ASH1L: variants seen among roughly 807,000 people sequenced by gnomAD.
The protein encoded by ASH1L is histone-lysine N-methyltransferase ASH1L.
ASH1L carries 23 observed loss-of-function variants against 269.0 expected under a neutral mutation model. The ratio of observed to expected loss-of-function variants is 0.09; its 90% confidence interval spans 0.06 to 0.12. The LOEUF (loss-of-function observed/expected upper bound fraction) is 0.12, where lower values mean the gene tolerates loss of function less well. Ranked by LOEUF, ASH1L falls within the 10% of genes least tolerant of loss-of-function variation. The pLI is 1.00. For missense variants in ASH1L, 2,912 were observed against 3,567.8 expected (o/e 0.82, Z 4.68); for synonymous variants, 1,187 against 1,253.5 (o/e 0.95, Z 1.12).
intron 4 of ASH1L, among the ~76,000 whole-genome samples, chr1:155,442,047 A>G (rs775420182): frequency 7.2e-5 from 11 of 152,106 alleles, no homozygotes; most frequent in Non-Finnish European, 1.6e-4. Flanking sequence ...GATTATAGGT[A>G]TGAGCCGCCT....
intron 6 of ASH1L, among the ~76,000 whole-genome samples, chr1:155,406,664 A>G (rs1386707781): frequency 2.6e-5 from 4 of 152,166 alleles, no homozygotes; most frequent in Non-Finnish European, 5.9e-5. Context: ...TTGTGCCACT[A>G]TACTCCAGGC....
In ASH1L at chr1:155,478,249, G is replaced by A; in HGVS notation, c.4621C>T (p.Pro1541Ser). ...KEKHRCHMSCPHLSPSKSLIN... is the reference protein window; with the variant it reads ...KEKHRCHMSCSHLSPSKSLIN... Reference sequence around the variant, plus strand: ...AAGCTTTTTGAAGGAGAGAGATGAGGGCAGGACATGTGACAACGGTGCTTT... The same window carrying A: ...AAGCTTTTTGAAGGAGAGAGATGAGAGCAGGACATGTGACAACGGTGCTTT... The change falls in exon 3 of 28, where the codon CCT becomes TCT. Residue 1541 changes from proline to serine, a missense_variant. This residue lies in a region of ASH1L where 789 missense variants were observed against 897.6 expected (regional missense o/e 0.88). Transcript: ENST00000392403. The surrounding 1 kb of genome is among the most constrained non-coding windows in gnomAD (Gnocchi z 4.6). 1.9e-6 allele frequency: 3 copies of A among 1,614,024 alleles called. No homozygotes were observed. Among genetic ancestry groups the A allele is most frequent in the Non-Finnish European group, 2.5e-6 (3 of 1,179,978 alleles).
intron 6 of ASH1L, among the ~76,000 whole-genome samples, chr1:155,411,811 C>T (rs888347210): frequency 2.0e-5 from 3 of 150,854 alleles, no homozygotes; most frequent in African/African-American, 7.3e-5. Flanking sequence ...GAGGGTCCTG[C>T]CCCATACCCT....
chr1:155,554,263 T>A (rs1297491906), intron 1 of ASH1L, among the ~76,000 whole-genome samples: 5 of 151,746 alleles, frequency 3.3e-5, no homozygotes, highest in African/African-American at 7.3e-5. Flanking sequence ...TTTTTTTTTT[T>A]AATTTATGTA....
At chr1:155,357,200 C>T (rs1654495218) in intron 15 of ASH1L, 116 bp downstream of exon 15, 1 of 663,994 alleles carries the variant, frequency 1.5e-6, no homozygotes, top group Admixed American at 3.0e-5. Context: ...TCCCCTGAAC[C>T]CTTTGGCTTA....
intron 1 of ASH1L, among the ~76,000 whole-genome samples, chr1:155,522,813 A>G (rs1476285363): frequency 1.3e-5 from 2 of 151,640 alleles, no homozygotes; most frequent in Non-Finnish European, 2.9e-5. Context: ...CAGCTTCCCG[A>G]GTAGCTGGCA....
Position 155,537,065 on chromosome 1 carries a change from A to G in ASH1L, c.-99-15447T>C, listed in dbSNP as rs538980995. Among the ~76,000 whole-genome samples, 14 of 152,014 alleles carry G rather than the reference A, an allele frequency of 9.2e-5. No individual in the cohort carries two copies. The South Asian group carries it at 2.9e-3, about 32-fold the overall frequency. On this transcript the variant is annotated intron_variant, in intron 1 of 27. Transcript: ENST00000392403. Reference sequence around the variant, plus strand: ...TCTCAAAAAAAAAAAAAGGGAAAAAAGAAAGAAATTCAACACAGAAAGGCA... The same window carrying G: ...TCTCAAAAAAAAAAAAAGGGAAAAAGGAAAGAAATTCAACACAGAAAGGCA...
At chr1:155,401,150 G>A (rs1300232618) in intron 6 of ASH1L, among the ~76,000 whole-genome samples, 1 of 151,176 alleles carries the variant, frequency 6.6e-6, no homozygotes, top group South Asian at 2.1e-4. Context: ...GACAGAGTGA[G>A]ACTCTCTGTC....
chr1:155,427,358 A>G (rs1661235728), intron 5 of ASH1L, among the ~76,000 whole-genome samples: 2 of 151,264 alleles, frequency 1.3e-5, no homozygotes, highest in East Asian at 3.9e-4. Flanking sequence ...CCCAGGCTGG[A>G]GTGCAGTGGC....
At chr1:155,348,327 G>A (rs1653550134) in intron 19 of ASH1L, among the ~76,000 whole-genome samples, 1 of 152,046 alleles carries the variant, frequency 6.6e-6, no homozygotes, top group South Asian at 2.1e-4. Context: ...TACAATTTAA[G>A]ATTGCTCTAA....
chr1:155,359,345 G>A (rs539237177), intron 13 of ASH1L, among the ~76,000 whole-genome samples: 2 of 151,986 alleles, frequency 1.3e-5, no homozygotes, highest in Non-Finnish European at 2.9e-5. Context: ...GTGCATTGGC[G>A]CGATCTCTGC....
intron 4 of ASH1L, among the ~76,000 whole-genome samples, chr1:155,457,991 C>T (rs1031530904): frequency 6.6e-6 from 1 of 152,070 alleles, no homozygotes; most frequent in Admixed American, 6.6e-5. Flanking sequence ...TCTTTTCTCC[C>T]CAAGCCTTTA....
intron 7 of ASH1L, among the ~76,000 whole-genome samples, chr1:155,383,743 TAGAC>T (rs1161877744): frequency 6.6e-6 from 1 of 152,058 alleles, no homozygotes; most frequent in Non-Finnish European, 1.5e-5. Flanking sequence ...TTCAAAGAAA[TAGAC>T]AGTGATTACC....
intron 2 of ASH1L, among the ~76,000 whole-genome samples, chr1:155,499,263 A>G (rs780128215): frequency 1.3e-5 from 2 of 152,232 alleles, no homozygotes; most frequent in Non-Finnish European, 2.9e-5. Context: ...TTGCTATATA[A>G]TTTAAGGAAT....
chr1:155,350,528 T>C (rs1253647431), intron 17 of ASH1L, among the ~76,000 whole-genome samples: 1 of 152,160 alleles, frequency 6.6e-6, no homozygotes, highest in Non-Finnish European at 1.5e-5. Context: ...GTAATCTGCT[T>C]AGGGCAAATT....
chr1:155,447,096 T>C (rs1450519795), intron 4 of ASH1L, among the ~76,000 whole-genome samples: 2 of 152,226 alleles, frequency 1.3e-5, no homozygotes, highest in Non-Finnish European at 2.9e-5. Context: ...TAATGCTGAA[T>C]AGAAGTAGTG....
chr1:155,466,142 CAGG>C (rs1399788802), intron 3 of ASH1L, among the ~76,000 whole-genome samples: 16 of 152,114 alleles, frequency 1.1e-4, no homozygotes, highest in Admixed American at 3.3e-4. Flanking sequence ...ATCACGAGGT[CAGG>C]AGATTGAGAC....
intron 5 of ASH1L, among the ~76,000 whole-genome samples, chr1:155,421,482 C>T (rs1571167510): frequency 6.6e-6 from 1 of 151,518 alleles, no homozygotes; most frequent in East Asian, 1.9e-4. Flanking sequence ...ACCATCCTGG[C>T]TAACACGGTG....
Position 155,478,040 on chromosome 1 carries a change from T to A in ASH1L, c.4830A>T (p.Ala1610=). 6.2e-7 allele frequency: 1 copy of A among 1,614,242 alleles called. No homozygotes were observed. Among genetic ancestry groups the A allele is most frequent in the South Asian group, 1.1e-5 (1 of 91,088 alleles). ...GGTTTGAAACTCTGCAGCTGCCTAT[T>A]GCACTTGTGAAAAGGTTTGTATGTT... ...SDEHTNLFTS[A]IGSCRVSNPN... Residue 1610 remains alanine, a synonymous_variant, in exon 3 of 28, where the codon GCA becomes GCT. Transcript: ENST00000392403. The surrounding 1 kb of genome is among the most constrained non-coding windows in gnomAD (Gnocchi z 4.6).
Sources: allele counts gnomAD v4.1 joint callset (sites outside exome capture counted in the v4.1 genomes callset), GRCh38; gene constraint gnomAD v4.1.1; regional missense constraint gnomAD v4.1.1; non-coding constraint Gnocchi (gnomAD v3.1); transcripts MANE v1.5; gene names NCBI Gene and HGNC (gene_info 2026-07-23, HGNC 2026-07-21).